The following DNM1L variants were observed in gnomAD, a reference collection of about 807,000 sequenced individuals.
DNM1L encodes the protein dynamin 1L, also known as dynamin-1-like protein.
A neutral mutation model predicts 92.8 loss-of-function variants in DNM1L; 33 were observed. That is an observed-to-expected ratio of 0.36 (90% CI 0.27 to 0.48). DNM1L has a LOEUF of 0.48. Among genes scored for constraint, DNM1L ranks in the 20% least tolerant of loss-of-function variants. The pLI, the probability that DNM1L is intolerant of heterozygous loss-of-function variation, is 0.99. For missense variants in DNM1L, 485 were observed against 888.8 expected (o/e 0.55, Z 5.78); for synonymous variants, 284 against 305.0 (o/e 0.93, Z 0.72).
intron 9 of DNM1L, chr12:32,725,120 T>C (rs1219148884): frequency 1.3e-5 from 2 of 152,132 alleles, no homozygotes; most frequent in African/African-American, 2.4e-5. Context: ...ATTAGTATAG[T>C]ATCTCTTTCC....
At chr12:32,736,908 GAA>G in intron 13 of DNM1L, 195 bp from the exon 14 acceptor site, 1 of 521,464 alleles carries the variant, frequency 1.9e-6, no homozygotes, top group Non-Finnish European at 3.3e-6. Flanking sequence ...TGTGTGGGCA[GAA>G]AAAAAAAAGA....
chr12:32,718,954 A>T (rs912276934), intron 7 of DNM1L, among the ~76,000 whole-genome samples, 191 bp downstream of exon 7: 1 of 145,932 alleles, frequency 6.9e-6, no homozygotes, highest in Admixed American at 6.9e-5. Context: ...AAGAGAGAGA[A>T]TTTTTTTTTT....
intron 16 of DNM1L, among the ~76,000 whole-genome samples, chr12:32,738,748 G>A (rs1339711842): frequency 6.6e-6 from 1 of 152,118 alleles, no homozygotes; most frequent in East Asian, 1.9e-4. Flanking sequence ...TGGGGACTGT[G>A]AGAGTTTGAG....
chr12:32,703,614 CAAAAAAA>C lies in DNM1L; in HGVS notation c.250+2064_250+2070del, dbSNP rs61051514. 2.5e-4 allele frequency among the ~76,000 whole-genome samples: 22 copies of C among 86,910 alleles called. 1 individual carries two copies. In the South Asian group the frequency reaches 8.1e-3, roughly 32 times the overall value. The allele number at this position is 86,910 out of a possible 152,430, so 57.0% of individuals were successfully genotyped here. ...GAGAAAGGGAAGAAACATAAACTTTCAAAAAAAAAAAAAAAAAAGAAATCAGTTACTA... is the reference window on the plus strand; with the variant it reads ...GAGAAAGGGAAGAAACATAAACTTTCAAAAAAAAAAAGAAATCAGTTACTA... On this transcript the variant is annotated intron_variant, in intron 2 of 19. Transcript: ENST00000549701.
intron 6 of DNM1L, among the ~76,000 whole-genome samples, chr12:32,718,024 A>T (rs1953610529): frequency 7.9e-6 from 1 of 126,756 alleles, no homozygotes; most frequent in South Asian, 2.3e-4. Context: ...TATATATATT[A>T]TAAATATATA....
Position 32,735,442 on chromosome 12 carries a change from A to G in DNM1L, c.1539+1635A>G, listed in dbSNP as rs538259603. Among the ~76,000 whole-genome samples, 29 of 152,314 alleles carry G rather than the reference A, an allele frequency of 1.9e-4. No individual in the cohort carries two copies. In the South Asian group the frequency reaches 6.0e-3, roughly 32 times the overall value. On this transcript the variant is annotated intron_variant, in intron 13 of 19. Transcript: ENST00000549701. ...CTTTTGCTTTGTATCCCTGTTCAAA[A>G]TGTACATTTTATCATGCTAATTTTT...
chr12:32,742,826 T>C (rs1955399697), intron 19 of DNM1L, 78 bp downstream of exon 19: 1 of 1,549,310 alleles, frequency 6.5e-7, no homozygotes, highest in Non-Finnish European at 8.9e-7. Context: ...AGTTTGATTC[T>C]TGGATATGTA....
intron 1 of DNM1L, chr12:32,679,835 C>T (rs1317063536): frequency 1.9e-5 from 19 of 1,003,994 alleles, no homozygotes; most frequent in Non-Finnish European, 2.1e-5. Flanking sequence ...CTGGGGGACG[C>T]GCGGGGCACT....
At chr12:32,718,904 T>A in intron 7 of DNM1L, 141 bp downstream of exon 7, 1 of 1,249,990 alleles carries the variant, frequency 8.0e-7, no homozygotes, top group South Asian at 1.2e-5. Context: ...TTTATTATGA[T>A]CTTGGTATTG....
chr12:32,715,339 C>T (rs533134126), intron 6 of DNM1L, among the ~76,000 whole-genome samples: 2 of 152,024 alleles, frequency 1.3e-5, no homozygotes, highest in Admixed American at 6.6e-5. Flanking sequence ...AAATTAGAAA[C>T]AACTTAATAT....
At chr12:32,691,307 C>T (rs960193887) in intron 1 of DNM1L, among the ~76,000 whole-genome samples, 6 of 152,088 alleles carry the variant, frequency 3.9e-5, no homozygotes, top group African/African-American at 7.2e-5. Context: ...GGCGCGATCT[C>T]GGCTCACTGT....
rs1266594031 is a variant in DNM1L at position 32,679,476 on chromosome 12, C to G, written c.102+11C>G. On this transcript the variant is annotated intron_variant, in intron 1 of 19. Coordinates refer to ENST00000549701, the MANE Select transcript of DNM1L (RefSeq NM_012062.5). ...GTAGTGGGAACGCAGGTGAGAGCAG[C>G]AGGCGGCGTTCGCTCGGGCCAGACC... The G allele has an allele frequency of 6.2e-7, 1 of 1,607,796 alleles. No individual in the cohort carries two copies. The highest frequency in any genetic ancestry group is 1.7e-5 in the Admixed American group (1 of 60,020).
At chr12:32,718,484 T>TA (rs1311820927) in intron 6 of DNM1L, among the ~76,000 whole-genome samples, 159 bp from the exon 7 acceptor site, 1 of 152,106 alleles carries the variant, frequency 6.6e-6, no homozygotes, top group Non-Finnish European at 1.5e-5. Flanking sequence ...ACATTATTTT[T>TA]AAAAAAGCAC....
intron 16 of DNM1L, 40 bp downstream of exon 16, chr12:32,738,336 G>T: frequency 1.2e-6 from 2 of 1,610,072 alleles, no homozygotes; most frequent in South Asian, 2.2e-5. Context: ...TGGTACCTTT[G>T]GTTCTCACTG....
chr12:32,707,558 T>G, intron 3 of DNM1L, 145 bp downstream of exon 3: 1 of 592,830 alleles, frequency 1.7e-6, no homozygotes, highest in South Asian at 3.6e-5. Context: ...TTAGTAACAT[T>G]TCTAACCACA....
intron 13 of DNM1L, among the ~76,000 whole-genome samples, chr12:32,734,981 T>C (rs538677569): frequency 4.0e-4 from 61 of 152,272 alleles, no homozygotes; most frequent in Non-Finnish European, 6.8e-4. Context: ...CCAAAATGCA[T>C]ACATGAGTAG....
intron 2 of DNM1L, chr12:32,705,984 A>G (rs1201653556): frequency 1.1e-6 from 1 of 880,852 alleles, no homozygotes; most frequent in Non-Finnish European, 1.6e-6. Context: ...ATCCACATTG[A>G]TTGCAGGTTT....
intron 18 of DNM1L, among the ~76,000 whole-genome samples, chr12:32,741,024 T>C (rs1244117199): frequency 2.0e-5 from 3 of 152,222 alleles, no homozygotes; most frequent in African/African-American, 7.2e-5. Flanking sequence ...TACATTTAGT[T>C]GTGTGAAGTG....
At chr12:32,694,823 G>A (rs1296653446) in intron 1 of DNM1L, among the ~76,000 whole-genome samples, 1 of 152,174 alleles carries the variant, frequency 6.6e-6, no homozygotes, top group Non-Finnish European at 1.5e-5. Flanking sequence ...TTCTGATGGA[G>A]CGGAGAATTG....
Sources: allele counts gnomAD v4.1 joint callset (sites outside exome capture counted in the v4.1 genomes callset), GRCh38; gene constraint gnomAD v4.1.1; transcripts MANE v1.5; gene names NCBI Gene and HGNC (gene_info 2026-07-23, HGNC 2026-07-21).